Variants in ANXA13 observed in about 807,000 individuals in gnomAD.
The protein encoded by ANXA13 is annexin A13.
ANXA13 carries 36 observed loss-of-function variants against 46.6 expected under a neutral mutation model. The observed-to-expected ratio is 0.77, with a 90% CI of 0.59 to 1.02. The LOEUF is 1.02. Among genes scored for constraint, ANXA13 ranks in the 50% least tolerant of loss-of-function variants. The pLI is 0.00. For missense variants in ANXA13, 417 were observed against 396.5 expected (o/e 1.05, Z -0.44); for synonymous variants, 163 against 152.9 (o/e 1.07, Z -0.49).
intron 1 of ANXA13, chr8:123,729,252 G>A (rs1279593919): frequency 6.6e-6 from 1 of 152,134 alleles, no homozygotes; most frequent in Admixed American, 6.5e-5. Context: ...ACTATCTATG[G>A]CCATGCCTCC....
chr8:123,707,508 T>C (rs1301704982), intron 2 of ANXA13, among the ~76,000 whole-genome samples: 1 of 152,128 alleles, frequency 6.6e-6, no homozygotes, highest in African/African-American at 2.4e-5. Context: ...TGGAATACTA[T>C]GCAGCCATAA....
intron 1 of ANXA13, among the ~76,000 whole-genome samples, chr8:123,730,475 T>G (rs554349664): frequency 1.3e-5 from 2 of 152,166 alleles, no homozygotes; most frequent in East Asian, 3.9e-4. Context: ...AAATCACTGC[T>G]GGCCTAAGGA....
At chr8:123,737,178 C>T (rs1481088919) in intron 1 of ANXA13, 142 bp downstream of exon 1, 1 of 810,218 alleles carries the variant, frequency 1.2e-6, no homozygotes, top group Non-Finnish European at 1.9e-6. Flanking sequence ...ATTTTAAAAG[C>T]ATGGTATGCT....
At chr8:123,735,709 G>A in intron 1 of ANXA13, 1 of 1,570,164 alleles carries the variant, frequency 6.4e-7, no homozygotes, top group Non-Finnish European at 8.6e-7. Context: ...CCCCATGACA[G>A]AGCAGGGGTC....
At chr8:123,696,331 A>G (rs986919824) in intron 4 of ANXA13, among the ~76,000 whole-genome samples, 2 of 152,116 alleles carry the variant, frequency 1.3e-5, no homozygotes, top group Admixed American at 6.5e-5. Flanking sequence ...TACTTAGCCA[A>G]CCTCCTATTG....
At chr8:123,728,247 ATTGT>A (rs959166552) in intron 1 of ANXA13, 2 of 152,150 alleles carry the variant, frequency 1.3e-5, no homozygotes, top group African/African-American at 4.8e-5. Flanking sequence ...TTGTCCACAG[ATTGT>A]TTGGGGAGTT....
chr8:123,706,047 C>T (rs1049269525), intron 2 of ANXA13, among the ~76,000 whole-genome samples: 1 of 152,132 alleles, frequency 6.6e-6, no homozygotes, highest in Non-Finnish European at 1.5e-5. Context: ...GCTCTGGGAA[C>T]ATTTAGCTGT....
chr8:123,722,148 T>C (rs1450206877), intron 1 of ANXA13, among the ~76,000 whole-genome samples: 1 of 151,560 alleles, frequency 6.6e-6, no homozygotes, highest in African/African-American at 2.4e-5. Flanking sequence ...CTACAAAAAA[T>C]TTTAAACATT....
chr8:123,731,830 G>C (rs963104749), intron 1 of ANXA13, among the ~76,000 whole-genome samples: 1 of 152,144 alleles, frequency 6.6e-6, no homozygotes, highest in African/African-American at 2.4e-5. Context: ...AGCAGTGATT[G>C]TGACACTGCA....
chr8:123,722,562 G>A (rs771621278), intron 1 of ANXA13, among the ~76,000 whole-genome samples: 2 of 152,130 alleles, frequency 1.3e-5, no homozygotes, highest in Admixed American at 6.5e-5. Context: ...TGAAGTCACC[G>A]CTATTTGCAA....
chr8:123,701,132 G>A (rs1380322285), intron 3 of ANXA13, among the ~76,000 whole-genome samples: 1 of 151,346 alleles, frequency 6.6e-6, no homozygotes, highest in African/African-American at 2.4e-5. Flanking sequence ...TTGGTAGGGT[G>A]AATGTGTCTT....
At chr8:123,732,137 A>C (rs573844634) in intron 1 of ANXA13, among the ~76,000 whole-genome samples, 1 of 152,300 alleles carries the variant, frequency 6.6e-6, no homozygotes, top group Admixed American at 6.5e-5. Context: ...AGTGTTAAAA[A>C]TTTGTGCCTA....
chr8:123,732,096 G>A (rs553841167), intron 1 of ANXA13, among the ~76,000 whole-genome samples: 141 of 152,262 alleles, frequency 9.3e-4, no homozygotes, highest in African/African-American at 3.0e-3. Context: ...TCTATTTGGC[G>A]TAAAAAGAAG....
At chr8:123,728,490 A>G (rs1814046433) in intron 1 of ANXA13, 1 of 152,194 alleles carries the variant, frequency 6.6e-6, no homozygotes, top group Non-Finnish European at 1.5e-5. Flanking sequence ...CAATTCAATG[A>G]GAGTATGAAC....
chr8:123,712,580 T>C (rs1586329703), intron 2 of ANXA13, 98 bp downstream of exon 2: 4 of 1,056,224 alleles, frequency 3.8e-6, no homozygotes, highest in Admixed American at 1.8e-5. Context: ...ATACACAAGA[T>C]AGTGAGATGT....
At position 123,698,500 on chromosome 8, in the gene ANXA13, G is replaced by A. The variant is rs1286204200; in HGVS notation, c.246C>T (p.Ala82=). 8 of 1,614,206 alleles carry A rather than the reference G, an allele frequency of 5.0e-6. No homozygotes were observed. The highest frequency in any genetic ancestry group is 1.1e-5 in the South Asian group (1 of 91,084). The change falls in exon 4 of 11, where the codon GCC becomes GCT. Residue 82 remains alanine, a synonymous_variant. Coordinates refer to ENST00000419625, the MANE Select transcript of ANXA13 (RefSeq NM_004306.4). The stretch of plus-strand genomic sequence containing the variant: ...CGTACTCGCTGGGACGGTCCAGAAG[G>A]GCCAACGCTGTCTTCTCGAAGTTTC... ...LSGNFEKTAL[A]LLDRPSEYAA... is the part of the protein sequence containing the mutation.
At chr8:123,707,062 T>A (rs573678923) in intron 2 of ANXA13, among the ~76,000 whole-genome samples, 2 of 152,242 alleles carry the variant, frequency 1.3e-5, no homozygotes, top group South Asian at 4.1e-4. Flanking sequence ...CCAGGACACA[T>A]GGCAAATTCC....
chr8:123,706,725 A>T (rs1214708016), intron 2 of ANXA13, among the ~76,000 whole-genome samples: 1 of 152,194 alleles, frequency 6.6e-6, no homozygotes, highest in African/African-American at 2.4e-5. Flanking sequence ...CAAACCTTTC[A>T]GTATAGGCCC....
At chr8:123,712,626 A>G in intron 2 of ANXA13, 52 bp downstream of exon 2, 1 of 1,518,350 alleles carries the variant, frequency 6.6e-7, no homozygotes, top group Non-Finnish European at 9.1e-7. Context: ...TGGACATGAG[A>G]CCAAGTTTAA....
Sources: gnomAD v4.1 joint callset for allele counts (sites outside exome capture counted in the v4.1 genomes callset) on GRCh38, gnomAD v4.1.1 for gene constraint, MANE v1.5 for transcripts, NCBI Gene and HGNC (gene_info 2026-07-23, HGNC 2026-07-21) for gene names.